The following CDKL2 variants were observed in gnomAD, a reference collection of about 807,000 sequenced individuals.
The protein encoded by CDKL2 is cyclin-dependent kinase-like 2.
A neutral mutation model predicts 63.9 loss-of-function variants in CDKL2; 64 were observed. That is an observed-to-expected ratio of 1.00 (90% CI 0.82 to 1.23). The LOEUF (loss-of-function observed/expected upper bound fraction) is 1.23, where lower values mean the gene tolerates loss of function less well. CDKL2 is among the 50% of genes most tolerant of loss of function. The pLI is 0.00. For synonymous variants in CDKL2, 211 were observed against 229.2 expected, an observed-to-expected ratio of 0.92 and a Z score of 0.72; for missense variants, 656 against 668.0, an observed-to-expected ratio of 0.98 and a Z score of 0.20.
chr4:75,606,979 C>T (rs957280086), intron 4 of CDKL2, among the ~76,000 whole-genome samples: 4 of 152,158 alleles, frequency 2.6e-5, no homozygotes, highest in African/African-American at 9.7e-5. Flanking sequence ...CACTTAATTT[C>T]CCCACCTCTA....
chr4:75,614,302 A>G lies in CDKL2; in HGVS notation c.316T>C (p.Tyr106His), dbSNP rs749341337. 6.2e-7 allele frequency: 1 copy of G among 1,608,798 alleles called. No homozygotes were observed. The highest frequency in any genetic ancestry group is 1.7e-5 in the Admixed American group (1 of 58,780). The change falls in exon 3 of 14, where the codon TAT (tyrosine) becomes CAT (histidine). Residue 106 changes from tyrosine (Y) to histidine (H), a missense_variant. Physicochemically the swap from Tyr to His is moderately conservative, Grantham distance 83 (BLOSUM62 2). Transcript: ENST00000307465. ...NGLDYQVVQKYLFQIINGIGF... is the reference protein window; with the variant it reads ...NGLDYQVVQKHLFQIINGIGF... ...ATTCCATTAATAATCTGAAACAAAT[A>G]CTTTTGAACTACTTGGTAGTCTAGT... is the stretch of plus-strand genomic sequence containing the variant.
chr4:75,601,173 ATT>A (rs1465154554), intron 6 of CDKL2, among the ~76,000 whole-genome samples: 1 of 152,236 alleles, frequency 6.6e-6, no homozygotes, highest in African/African-American at 2.4e-5. Context: ...AATGAAATAA[ATT>A]TTGTGAAAAT....
intron 1 of CDKL2, among the ~76,000 whole-genome samples, chr4:75,628,609 T>A (rs1015948217): frequency 6.6e-6 from 1 of 152,326 alleles, no homozygotes; most frequent in South Asian, 2.1e-4. Flanking sequence ...AGATAAAAAA[T>A]TATTTCAGTC....
At chr4:75,582,969 G>T (rs1459789520) in intron 12 of CDKL2, among the ~76,000 whole-genome samples, 1 of 152,034 alleles carries the variant, frequency 6.6e-6, no homozygotes. Context: ...AAGAATTAAA[G>T]TAAAATAAAG....
At chr4:75,614,088 C>T (rs1211321347) in intron 3 of CDKL2, among the ~76,000 whole-genome samples, 167 bp downstream of exon 3, 3 of 152,050 alleles carry the variant, frequency 2.0e-5, no homozygotes, top group African/African-American at 4.8e-5. Flanking sequence ...ACAAAAAACT[C>T]AGAAAACAAA....
chr4:75,614,802 A>G (rs1729853883), intron 2 of CDKL2, among the ~76,000 whole-genome samples: 1 of 151,758 alleles, frequency 6.6e-6, no homozygotes, highest in Admixed American at 6.6e-5. Flanking sequence ...GGAAGGCACC[A>G]AAAGATCATC....
intron 12 of CDKL2, among the ~76,000 whole-genome samples, chr4:75,583,818 T>TA (rs1331767485): frequency 6.6e-6 from 1 of 151,026 alleles, no homozygotes; most frequent in Non-Finnish European, 1.5e-5. Context: ...GAGCAATCAC[T>TA]AAAAAAAATA....
rs190280973 is a variant in CDKL2, at chr4:75,596,452, T to A, written c.1323-112A>T. ...AACAAGCAGTTTAACCAGAGTGTAA[T>A]GTCTATTCTCAAATATACAATGCAC... is the stretch of plus-strand genomic sequence containing the variant. On this transcript the variant is annotated intron_variant, in intron 9 of 13. Coordinates refer to ENST00000307465, the MANE Select transcript of CDKL2 (RefSeq NM_001330724.2). 8.8e-6 allele frequency: 6 copies of A among 678,346 alleles called. No homozygotes were observed. In the East Asian group the frequency reaches 1.3e-4, roughly 15 times the overall value. The allele number at this position is 678,346 out of a possible 1,614,324, so 42.0% of individuals were successfully genotyped here. A position where few individuals can be genotyped will look rare whatever the true frequency, so the allele number is the denominator to read the frequency against.
At position 75,579,037 on chromosome 4, in the gene CDKL2, C is replaced by T. The variant is rs2148852186; in HGVS notation, c.*165G>A. ...ATCTTCCTTTGAAACATTTGGAAGT[C>T]TTTGTCTTTCCTTCTTCTAGAAGGC... On this transcript the variant is annotated 3_prime_UTR_variant, in exon 14 of 14. Coordinates refer to ENST00000307465, the MANE Select transcript of CDKL2 (RefSeq NM_001330724.2). 6.5e-6 allele frequency: 1 copy of T among 152,732 alleles called. No individual in the cohort carries two copies. The highest frequency in any genetic ancestry group is 1.9e-4 in the East Asian group (1 of 5,182). The allele number at this position is 152,732 out of a possible 1,614,324, so 9.5% of individuals were successfully genotyped here.
chr4:75,628,893 C>T (rs1730555896), intron 1 of CDKL2, among the ~76,000 whole-genome samples: 3 of 151,962 alleles, frequency 2.0e-5, no homozygotes, highest in African/African-American at 7.3e-5. Context: ...GAAGATTGAT[C>T]TTGAGGGGTG....
intron 12 of CDKL2, among the ~76,000 whole-genome samples, chr4:75,583,522 T>C (rs1221225376): frequency 6.6e-6 from 1 of 152,190 alleles, no homozygotes; most frequent in Non-Finnish European, 1.5e-5. Flanking sequence ...TGCATATGTC[T>C]TCTTTCTTGG....
intron 3 of CDKL2, among the ~76,000 whole-genome samples, chr4:75,610,193 C>G (rs1425960919): frequency 1.5e-5 from 2 of 133,872 alleles, no homozygotes; most frequent in African/African-American, 2.8e-5. Flanking sequence ...ACAGAGCGAG[C>G]CTCCATCTCA....
chr4:75,602,727 T>C (rs1439954025), intron 6 of CDKL2, among the ~76,000 whole-genome samples: 1 of 152,064 alleles, frequency 6.6e-6, no homozygotes, highest in East Asian at 1.9e-4. Flanking sequence ...TTTTGCCATG[T>C]TGGCCAGGCT....
chr4:75,584,998 CAG>C (rs1320556519), intron 12 of CDKL2, among the ~76,000 whole-genome samples: 1 of 152,006 alleles, frequency 6.6e-6, no homozygotes, highest in Non-Finnish European at 1.5e-5. Context: ...CAAAGACTGA[CAG>C]AATGTATACA....
chr4:75,591,221 G>T (rs757620389), intron 12 of CDKL2, among the ~76,000 whole-genome samples: 2 of 151,914 alleles, frequency 1.3e-5, no homozygotes, highest in Non-Finnish European at 2.9e-5. Context: ...GAAATACTAC[G>T]AAATATAAAA....
intron 10 of CDKL2, 147 bp downstream of exon 10, chr4:75,596,100 T>C (rs773568098): frequency 2.8e-5 from 13 of 461,778 alleles, no homozygotes; most frequent in Non-Finnish European, 4.2e-5. Context: ...ATGACTATGA[T>C]GGGTTGGGAT....
intron 7 of CDKL2, among the ~76,000 whole-genome samples, chr4:75,598,993 C>T (rs578182838): frequency 1.1e-4 from 16 of 152,202 alleles, no homozygotes; most frequent in African/African-American, 3.1e-4. Flanking sequence ...AACTTGTATC[C>T]ACCACTGTGA....
At chr4:75,590,727 T>TA (rs1728682471) in intron 12 of CDKL2, among the ~76,000 whole-genome samples, 1 of 151,264 alleles carries the variant, frequency 6.6e-6, no homozygotes, top group Non-Finnish European at 1.5e-5. Context: ...AAAATAAAAA[T>TA]AAAAAAAGAG....
At chr4:75,609,843 T>A (rs2055998) in intron 3 of CDKL2, among the ~76,000 whole-genome samples, 46,566 of 151,560 alleles carry the variant, frequency 0.31, 8,222 homozygotes, top group East Asian at 0.77. Flanking sequence ...GCTACCAACT[T>A]TATTACCCTA....
Sources: gnomAD v4.1 joint callset for allele counts (sites outside exome capture counted in the v4.1 genomes callset) on GRCh38, gnomAD v4.1.1 for gene constraint, MANE v1.5 for transcripts, NCBI Gene and HGNC (gene_info 2026-07-23, HGNC 2026-07-21) for gene names.